The following PRKAG2 variants were observed in gnomAD, a reference collection of about 807,000 sequenced individuals.
PRKAG2 encodes the protein protein kinase AMP-activated non-catalytic subunit gamma 2, also known as 5'-AMP-activated protein kinase subunit gamma-2.
Under a neutral mutation model 69.6 loss-of-function variants are expected in PRKAG2, and 26 were observed. The ratio of observed to expected loss-of-function variants is 0.37; its 90% CI spans 0.27 to 0.52. The LOEUF is 0.52. Ranked by LOEUF, PRKAG2 falls within the 20% of genes least tolerant of loss-of-function variation. The pLI, the probability that PRKAG2 is intolerant of heterozygous loss-of-function variation, is 0.90. For missense variants in PRKAG2, 557 were observed against 740.0 expected, an observed-to-expected ratio of 0.75 and a Z score of 2.87; for synonymous variants, 293 against 285.0, an observed-to-expected ratio of 1.03 and a Z score of -0.28.
intron 3 of PRKAG2, among the ~76,000 whole-genome samples, chr7:151,678,324 G>A (rs1216361877): frequency 1.3e-5 from 2 of 152,184 alleles, no homozygotes; most frequent in African/African-American, 4.8e-5. Context: ...ACCCAGTGCT[G>A]TCCTGAGCCA....
At position 151,703,058 on chromosome 7, in the gene PRKAG2, C is replaced by A. The variant is rs558747069; in HGVS notation, c.467-27421G>T. On this transcript the variant is annotated intron_variant, in intron 3 of 15. Transcript: ENST00000287878. ...TATGCTGGGCTCCCTAACCTGCCTG[C>A]CCAGGGAGAAAAGGGAACACCTGGC... is the stretch of plus-strand genomic sequence containing the variant. Among the ~76,000 whole-genome samples the A allele has an allele frequency of 4.6e-5, 7 of 152,320 alleles. No homozygotes were observed. The South Asian group carries it at 8.3e-4, about 18-fold the overall frequency.
intron 5 of PRKAG2, among the ~76,000 whole-genome samples, chr7:151,603,609 C>T (rs944055079): frequency 2.0e-5 from 3 of 150,518 alleles, no homozygotes; most frequent in Non-Finnish European, 4.4e-5. Flanking sequence ...GGACACGCTC[C>T]GTCCTCACCG....
intron 3 of PRKAG2, among the ~76,000 whole-genome samples, chr7:151,676,256 G>A (rs1002893598): frequency 6.0e-5 from 9 of 148,960 alleles, no homozygotes; most frequent in Non-Finnish European, 6.0e-5. Flanking sequence ...GGGAGGGGGA[G>A]GGGACGGGAG....
chr7:151,809,809 T>A (rs1179760255), intron 1 of PRKAG2: 3 of 153,160 alleles, frequency 2.0e-5, no homozygotes. Context: ...TGCTTATTGG[T>A]GAGAATATTT....
At chr7:151,754,958 G>A (rs544386133) in intron 3 of PRKAG2, among the ~76,000 whole-genome samples, 1 of 152,114 alleles carries the variant, frequency 6.6e-6, no homozygotes, top group Non-Finnish European at 1.5e-5. Flanking sequence ...CTCTCTGAGA[G>A]GCAGGCTCTG....
chr7:151,850,889 T>A lies in PRKAG2; in HGVS notation c.114+25618A>T, dbSNP rs536574075. Among the ~76,000 whole-genome samples, 16 of 152,304 alleles carry A rather than the reference T, an allele frequency of 1.1e-4. No homozygotes were observed. The South Asian group carries it at 3.1e-3, about 30-fold the overall frequency. ...GAAAGCCGAGTCTGACAACACGGAA[T>A]AAGAAGTCCTCGATGAGCCGCCGCA... On this transcript the variant is annotated intron_variant, in intron 1 of 15. Transcript: ENST00000287878. This position sits in a 1 kb window ranked among gnomAD's most constrained non-coding sequence, Gnocchi z 4.1.
chr7:151,599,620 T>C (rs376316009), intron 5 of PRKAG2, among the ~76,000 whole-genome samples: 8 of 152,140 alleles, frequency 5.3e-5, no homozygotes, highest in African/African-American at 1.9e-4. Flanking sequence ...GGCACCAGAT[T>C]CTCATCAGGA....
At chr7:151,622,825 AT>A (rs1262089129) in intron 5 of PRKAG2, among the ~76,000 whole-genome samples, 1 of 152,124 alleles carries the variant, frequency 6.6e-6, no homozygotes, top group African/African-American at 2.4e-5. Context: ...ATCACTTTAA[AT>A]TTTTGCTCGG....
chr7:151,645,970 T>G (rs940089398), intron 4 of PRKAG2, among the ~76,000 whole-genome samples: 1 of 152,254 alleles, frequency 6.6e-6, no homozygotes, highest in African/African-American at 2.4e-5. Flanking sequence ...TTTTGCTGCC[T>G]CACTGGATTC....
At chr7:151,842,387 TGGTAGTGATGGTA>T (rs1361067316) in intron 1 of PRKAG2, among the ~76,000 whole-genome samples, 3 of 137,352 alleles carry the variant, frequency 2.2e-5, no homozygotes, top group South Asian at 2.5e-4. Context: ...TAGGTGGGGA[TGGTAGTGATGGTA>T]GGTGGGGATG....
In PRKAG2 at chr7:151,638,986, A is replaced by G. The variant is rs1422065027; in HGVS notation, c.685-6848T>C. On this transcript the variant is annotated intron_variant, in intron 4 of 15. Coordinates refer to ENST00000287878, the MANE Select transcript of PRKAG2 (RefSeq NM_016203.4). This position sits in a 1 kb window ranked among gnomAD's most constrained non-coding sequence, Gnocchi z 4.3. ...TCCAAAGAGTAAAGAACGACGTGAA[A>G]CCCCCTGGATGCTGGACAGGAGCTG... Among the ~76,000 whole-genome samples the G allele has an allele frequency of 6.6e-6, 1 of 151,966 alleles. No individual in the cohort carries two copies. The highest frequency in any genetic ancestry group is 1.5e-5 in the Non-Finnish European group (1 of 67,990).
chr7:151,573,313 T>C (rs926588408), intron 8 of PRKAG2, among the ~76,000 whole-genome samples: 2 of 147,232 alleles, frequency 1.4e-5, no homozygotes, highest in African/African-American at 5.0e-5. Context: ...TACACCACCA[T>C]GCCTGGCTAA....
intron 13 of PRKAG2, among the ~76,000 whole-genome samples, chr7:151,564,650 G>A (rs550433462): frequency 6.6e-6 from 1 of 152,128 alleles, no homozygotes; most frequent in Non-Finnish European, 1.5e-5. Flanking sequence ...GGGGAACAAG[G>A]TTTCTGCTGG....
At chr7:151,565,514 C>T (rs1211282945) in intron 12 of PRKAG2, 131 bp from the exon 13 acceptor site, 2 of 990,346 alleles carry the variant, frequency 2.0e-6, no homozygotes, top group Non-Finnish European at 3.0e-6. Flanking sequence ...TAAATGAAAA[C>T]TTAGATATGA....
intron 3 of PRKAG2, among the ~76,000 whole-genome samples, chr7:151,709,146 G>A (rs181557215): frequency 1.5e-3 from 235 of 152,280 alleles, no homozygotes; most frequent in African/African-American, 5.1e-3. Context: ...AATGAACAAT[G>A]TGTGAACTGT....
chr7:151,767,423 T>C (rs1423332044), intron 3 of PRKAG2, among the ~76,000 whole-genome samples: 1 of 152,204 alleles, frequency 6.6e-6, no homozygotes, highest in East Asian at 1.9e-4. Flanking sequence ...CCCGAGTAAC[T>C]GGGATTACAG....
intron 3 of PRKAG2, among the ~76,000 whole-genome samples, chr7:151,688,830 G>A (rs909582057): frequency 3.9e-5 from 6 of 152,098 alleles, no homozygotes; most frequent in Non-Finnish European, 8.8e-5. Flanking sequence ...AAATCACTTC[G>A]GGGCCCTTCT....
At chr7:151,594,085 G>T (rs961769796) in intron 6 of PRKAG2, among the ~76,000 whole-genome samples, 2 of 152,144 alleles carry the variant, frequency 1.3e-5, no homozygotes, top group African/African-American at 4.8e-5. Context: ...GAAGAGCCTG[G>T]AAGGATCATC....
chr7:151,830,025 C>G (rs553577655), intron 1 of PRKAG2, among the ~76,000 whole-genome samples: 1 of 151,102 alleles, frequency 6.6e-6, no homozygotes, highest in South Asian at 2.1e-4. Context: ...ACACTTTCTG[C>G]GTTATAGAAT....
Sources: gnomAD v4.1 joint callset for allele counts (sites outside exome capture counted in the v4.1 genomes callset) on GRCh38, gnomAD v4.1.1 for gene constraint, Gnocchi (gnomAD v3.1) non-coding constraint, MANE v1.5 for transcripts, NCBI Gene and HGNC (gene_info 2026-07-23, HGNC 2026-07-21) for gene names.